ADD2: variants seen among roughly 807,000 people sequenced by gnomAD.
ADD2 encodes the protein beta-adducin.
A neutral mutation model predicts 83.0 loss-of-function variants in ADD2; 23 were observed. That is an observed-to-expected ratio of 0.28 (90% confidence interval 0.20 to 0.39). ADD2 has a LOEUF of 0.39. Ranked by LOEUF, ADD2 falls within the 10% of genes least tolerant of loss-of-function variation. The pLI is 1.00. For synonymous variants in ADD2, 375 were observed against 375.4 expected (o/e 1.00, Z 0.01); for missense variants, 758 against 944.9 (o/e 0.80, Z 2.59).
chr2:70,673,157 T>A, intron 14 of ADD2, 151 bp from the exon 15 acceptor site: 2 of 1,564,948 alleles, frequency 1.3e-6, no homozygotes, highest in South Asian at 1.1e-5. Context: ...CTCCTCCCCC[T>A]GACCTTCTTA....
chr2:70,668,978 T>C (rs542714249), intron 15 of ADD2, among the ~76,000 whole-genome samples: 2 of 152,148 alleles, frequency 1.3e-5, no homozygotes, highest in Non-Finnish European at 2.9e-5. Context: ...AGCTTTTACT[T>C]TTCTCTTGAA....
At chr2:70,735,572 CCTG>C (rs1673503163) in intron 1 of ADD2, among the ~76,000 whole-genome samples, 1 of 151,820 alleles carries the variant, frequency 6.6e-6, no homozygotes, top group African/African-American at 2.4e-5. Flanking sequence ...GCTTGCTCTG[CCTG>C]CTTTCCCTCC....
intron 9 of ADD2, 58 bp downstream of exon 9, chr2:70,687,966 C>G: frequency 7.3e-7 from 1 of 1,364,262 alleles, no homozygotes. Context: ...ACCACGTTTG[C>G]CCACAGGCCC....
Position 70,725,995 on chromosome 2 carries a change from G to A in ADD2, c.-153-12811C>T, listed in dbSNP as rs181416926. ...GAGGTCAGGAGATCGAGACCATCCC[G>A]GCTAAAACGGTGAAACCCCGTCTCT... On this transcript the variant is annotated intron_variant, in intron 1 of 15. Coordinates refer to ENST00000264436, the MANE Select transcript of ADD2 (RefSeq NM_001617.4). Among the ~76,000 whole-genome samples the A allele has an allele frequency of 1.3e-4, 19 of 151,846 alleles. No homozygotes were observed. The East Asian group carries it at 3.5e-3, about 28-fold the overall frequency.
At position 70,743,337 on chromosome 2, in the gene ADD2, T is replaced by C. The variant is rs143201325; in HGVS notation, c.-154+24549A>G. ...GCAAAATATAATTTGGTTGTATTTT[T>C]ACTCCACTTCTCTGAGAGCTGGATT... On this transcript the variant is annotated intron_variant, in intron 1 of 15. Coordinates refer to ENST00000264436, the MANE Select transcript of ADD2 (RefSeq NM_001617.4). 5.5e-3 allele frequency among the ~76,000 whole-genome samples: 839 copies of C among 152,328 alleles called. 6 individuals carry two copies. Among genetic ancestry groups the C allele is most frequent in the African/African-American group, 0.02 (815 of 41,568 alleles).
At position 70,660,334 on chromosome 2, in the gene ADD2, G is replaced by A. The variant is rs573926199; in HGVS notation, c.*3091C>T. 4.6e-5 allele frequency: 7 copies of A among 152,248 alleles called. No homozygotes were observed. The highest frequency in any genetic ancestry group is 1.4e-4 in the African/African-American group (6 of 41,546). The allele number at this position is 152,248 out of a possible 1,614,324, so 9.4% of individuals were successfully genotyped here. A position where few individuals can be genotyped will look rare whatever the true frequency, so the allele number is the denominator to read the frequency against. ...GGTGCTTTATCCAAAGACTTTTATG[G>A]AAATAAATTTTGTGTTGGAAACTCA... On this transcript the variant is annotated 3_prime_UTR_variant, in exon 16 of 16. Coordinates refer to ENST00000264436, the MANE Select transcript of ADD2 (RefSeq NM_001617.4).
chr2:70,748,012 GT>G (rs1184807515), intron 1 of ADD2, among the ~76,000 whole-genome samples: 1 of 151,982 alleles, frequency 6.6e-6, no homozygotes, highest in Non-Finnish European at 1.5e-5. Flanking sequence ...ATTTTTAATG[GT>G]TTTTAAAAAT....
rs574498954 is a variant in ADD2 at position 70,675,933 on chromosome 2, C to T, written c.1593+863G>A. 55 of 985,388 alleles carry T rather than the reference C, an allele frequency of 5.6e-5. No homozygotes were observed. The African/African-American group carries it at 7.0e-4, about 12-fold the overall frequency. The allele number at this position is 985,388 out of a possible 1,614,324, so 61.0% of individuals were successfully genotyped here. A position where few individuals can be genotyped will look rare whatever the true frequency, so the allele number is the denominator to read the frequency against. ...ATGGCTATTTCTATACTTGACCCTG[C>T]GGGATATTCAGTGTTCCCCATCTTG... On this transcript the variant is annotated intron_variant, in intron 13 of 15. Coordinates refer to ENST00000264436, the MANE Select transcript of ADD2 (RefSeq NM_001617.4).
chr2:70,673,048 A>G (rs376292225), intron 14 of ADD2, 42 bp from the exon 15 acceptor site: 1 of 1,594,178 alleles, frequency 6.3e-7, no homozygotes, highest in African/African-American at 1.4e-5. Context: ...GGTCAAATAG[A>G]GAAGAGATGG....
At position 70,706,327 on chromosome 2, in the gene ADD2, C is replaced by T. The variant is rs4986; in HGVS notation, c.82G>A (p.Asp28Asn). ...QPYFDRFSED[D>N]PEYMRLRNRA... ...TTGCGAAGGCGCATGTACTCGGGGTCGTCCTCTGAGAAGCGGTCAAAGTAA... is the reference window on the plus strand; with the variant it reads ...TTGCGAAGGCGCATGTACTCGGGGTTGTCCTCTGAGAAGCGGTCAAAGTAA... Residue 28 changes from aspartate (D) to asparagine (N), a missense_variant, in exon 3 of 16, where the codon GAC becomes AAC. Asp to Asn is a conservative substitution (Grantham distance 23, BLOSUM62 1). Transcript: ENST00000264436. The surrounding 1 kb of genome is among the most constrained non-coding windows in gnomAD (Gnocchi z 5.0). 3.6e-3 allele frequency: 5,764 copies of T among 1,613,988 alleles called. 184 individuals carry two copies. In the African/African-American group the frequency reaches 0.068, roughly 19 times the overall value.
chr2:70,685,202 T>C (rs1318863556), intron 9 of ADD2, among the ~76,000 whole-genome samples: 1 of 152,190 alleles, frequency 6.6e-6, no homozygotes, highest in African/African-American at 2.4e-5. Flanking sequence ...AGTTATTTTT[T>C]ACTGGAAATG....
chr2:70,672,251 A>G (rs1245480415), intron 15 of ADD2, among the ~76,000 whole-genome samples: 1 of 152,234 alleles, frequency 6.6e-6, no homozygotes, highest in South Asian at 2.1e-4. Flanking sequence ...TCTTTAAGCT[A>G]GTAGCTCTCT....
intron 1 of ADD2, among the ~76,000 whole-genome samples, chr2:70,732,194 C>T (rs1452734886): frequency 3.9e-5 from 6 of 152,088 alleles, no homozygotes; most frequent in African/African-American, 7.2e-5. Flanking sequence ...TGAAGTTGTA[C>T]GAAAATATAT....
intron 10 of ADD2, among the ~76,000 whole-genome samples, chr2:70,681,112 C>T (rs990688679): frequency 1.2e-5 from 1 of 85,214 alleles, no homozygotes; most frequent in Non-Finnish European, 2.7e-5. Flanking sequence ...AGAGGTCACA[C>T]GATTTGCAAC....
intron 1 of ADD2, among the ~76,000 whole-genome samples, chr2:70,738,592 T>C (rs1673709574): frequency 6.6e-6 from 1 of 152,182 alleles, no homozygotes; most frequent in African/African-American, 2.4e-5. Flanking sequence ...CCACAGCCAT[T>C]TCACACCTGT....
At chr2:70,729,536 G>A (rs1673177213) in intron 1 of ADD2, among the ~76,000 whole-genome samples, 1 of 152,120 alleles carries the variant, frequency 6.6e-6, no homozygotes, top group African/African-American at 2.4e-5. Flanking sequence ...CAAGAGTGGT[G>A]TGCTTTGTCC....
At chr2:70,680,029 G>A (rs1553369270) in intron 10 of ADD2, among the ~76,000 whole-genome samples, 1 of 152,172 alleles carries the variant, frequency 6.6e-6, no homozygotes, top group Non-Finnish European at 1.5e-5. Flanking sequence ...TATGGTGGGG[G>A]AGTGGCTTAT....
At chr2:70,754,695 T>A (rs1197775443) in intron 1 of ADD2, among the ~76,000 whole-genome samples, 1 of 152,138 alleles carries the variant, frequency 6.6e-6, no homozygotes, top group East Asian at 1.9e-4. Flanking sequence ...TGGCCTCCAA[T>A]GCCACTTATC....
intron 2 of ADD2, among the ~76,000 whole-genome samples, chr2:70,709,295 T>C (rs1672056357): frequency 6.8e-6 from 1 of 146,202 alleles, no homozygotes. Flanking sequence ...GGGTCGGAGG[T>C]AGGGGAAGGG....
Sources: gnomAD v4.1 joint callset for allele counts (sites outside exome capture counted in the v4.1 genomes callset) on GRCh38, gnomAD v4.1.1 for gene constraint, Gnocchi (gnomAD v3.1) non-coding constraint, MANE v1.5 for transcripts, NCBI Gene and HGNC (gene_info 2026-07-23, HGNC 2026-07-21) for gene names.